CCDC85A: variants seen among roughly 807,000 people sequenced by gnomAD.
CCDC85A encodes coiled-coil domain containing 85A.
CCDC85A carries 38 observed loss-of-function variants against 50.2 expected under a neutral mutation model. The ratio of observed to expected loss-of-function variants is 0.76; its 90% CI spans 0.58 to 0.99. The LOEUF (loss-of-function observed/expected upper bound fraction) is 0.99. Ranked by LOEUF, CCDC85A falls within the 50% of genes least tolerant of loss-of-function variation. CCDC85A has a pLI of 0.00. For missense variants in CCDC85A, 820 were observed against 742.0 expected, an observed-to-expected ratio of 1.11 and a Z score of -1.22; for synonymous variants, 366 against 301.4, an observed-to-expected ratio of 1.21 and a Z score of -2.22.
intron 2 of CCDC85A, among the ~76,000 whole-genome samples, chr2:56,254,733 A>G (rs1014690865): frequency 6.6e-6 from 1 of 152,190 alleles, no homozygotes; most frequent in Non-Finnish European, 1.5e-5. Context: ...ATGACAGCAT[A>G]TAAGTAGGGG....
chr2:56,295,528 A>T lies in CCDC85A; in HGVS notation c.1241-47351A>T, dbSNP rs552816193. ...AGAAGGTTGATCTCTTTGTGAAAGG[A>T]TGCCACTGGAGTTCACCACCAGGGC... On this transcript the variant is annotated intron_variant, in intron 2 of 5. Coordinates refer to ENST00000407595, the MANE Select transcript of CCDC85A (RefSeq NM_001080433.2). Among the ~76,000 whole-genome samples, 73 of 152,292 alleles carry T rather than the reference A, an allele frequency of 4.8e-4. 1 individual carries two copies. The highest frequency in any genetic ancestry group is 7.8e-4 in the Admixed American group (12 of 15,298).
At chr2:56,271,374 C>A (rs1182199939) in intron 2 of CCDC85A, among the ~76,000 whole-genome samples, 1 of 152,082 alleles carries the variant, frequency 6.6e-6, no homozygotes, top group Non-Finnish European at 1.5e-5. Flanking sequence ...ACAACTATCA[C>A]TGGCTAGATT....
intron 2 of CCDC85A, among the ~76,000 whole-genome samples, chr2:56,342,196 CT>C (rs1553414229): frequency 6.2e-4 from 91 of 147,836 alleles, no homozygotes; most frequent in East Asian, 7.9e-4. Context: ...TTCTCTAATA[CT>C]TTTTTTTTTT....
At chr2:56,218,278 T>G (rs1050143774) in intron 2 of CCDC85A, among the ~76,000 whole-genome samples, 1 of 151,882 alleles carries the variant, frequency 6.6e-6, no homozygotes, top group Non-Finnish European at 1.5e-5. Context: ...AAAGCAGAAC[T>G]ATATATGTAA....
chr2:56,355,371 A>T (rs1420173776), intron 3 of CCDC85A, among the ~76,000 whole-genome samples: 1 of 152,176 alleles, frequency 6.6e-6, no homozygotes, highest in Non-Finnish European at 1.5e-5. Context: ...TCCCTTTGAA[A>T]GCACTGTATT....
intron 2 of CCDC85A, among the ~76,000 whole-genome samples, chr2:56,204,352 C>T (rs1423746821): frequency 6.6e-6 from 1 of 152,146 alleles, no homozygotes; most frequent in Non-Finnish European, 1.5e-5. Context: ...TTCAACAATG[C>T]AACAAAGTTC....
At chr2:56,226,401 G>A (rs960793795) in intron 2 of CCDC85A, among the ~76,000 whole-genome samples, 1 of 152,132 alleles carries the variant, frequency 6.6e-6, no homozygotes, top group Non-Finnish European at 1.5e-5. Context: ...ATGGATGAGA[G>A]GGTGGATACC....
At chr2:56,377,445 C>G (rs1676386933) in intron 5 of CCDC85A, among the ~76,000 whole-genome samples, 1 of 152,156 alleles carries the variant, frequency 6.6e-6, no homozygotes. Context: ...CCTATTCAAA[C>G]TGTTTGAAAG....
intron 5 of CCDC85A, chr2:56,379,770 T>G (rs1465623303): frequency 2.0e-6 from 2 of 984,418 alleles, no homozygotes; most frequent in Non-Finnish European, 2.4e-6. Flanking sequence ...TTCAGGAAAC[T>G]ATAGATCGTC....
At chr2:56,208,914 T>C (rs1458287021) in intron 2 of CCDC85A, among the ~76,000 whole-genome samples, 2 of 152,034 alleles carry the variant, frequency 1.3e-5, no homozygotes, top group African/African-American at 4.8e-5. Flanking sequence ...CCTCAAAAAC[T>C]CTTCATTTAT....
At chr2:56,213,225 T>C (rs1243270325) in intron 2 of CCDC85A, among the ~76,000 whole-genome samples, 2 of 152,190 alleles carry the variant, frequency 1.3e-5, no homozygotes, top group Non-Finnish European at 2.9e-5. Context: ...CCTTGGTCAC[T>C]ATTATTTATA....
chr2:56,222,799 T>G (rs1668382545), intron 2 of CCDC85A, among the ~76,000 whole-genome samples: 1 of 152,156 alleles, frequency 6.6e-6, no homozygotes, highest in Non-Finnish European at 1.5e-5. Flanking sequence ...ACTTTCTTTT[T>G]CAAAATAATG....
intron 2 of CCDC85A, among the ~76,000 whole-genome samples, chr2:56,283,892 A>G (rs544384649): frequency 6.6e-6 from 1 of 152,156 alleles, no homozygotes; most frequent in South Asian, 2.1e-4. Context: ...TGTATTACCT[A>G]TATCATTTTC....
chr2:56,303,586 G>GT (rs1672303524), intron 2 of CCDC85A, among the ~76,000 whole-genome samples: 1 of 152,134 alleles, frequency 6.6e-6, no homozygotes, highest in Non-Finnish European at 1.5e-5. Context: ...AGTAATTGCT[G>GT]TGAGTGGAAG....
intron 2 of CCDC85A, among the ~76,000 whole-genome samples, chr2:56,329,372 G>C (rs1673643209): frequency 6.6e-6 from 1 of 152,164 alleles, no homozygotes; most frequent in Admixed American, 6.5e-5. Flanking sequence ...TGTTCCTGGA[G>C]AGGAGGAGTC....
chr2:56,196,923 G>A (rs1676548633), intron 2 of CCDC85A, among the ~76,000 whole-genome samples: 1 of 151,194 alleles, frequency 6.6e-6, no homozygotes, highest in African/African-American at 2.4e-5. Flanking sequence ...AATTATCCTG[G>A]TGGGTCTGAT....
At chr2:56,332,716 C>G (rs1673875848) in intron 2 of CCDC85A, among the ~76,000 whole-genome samples, 1 of 140,858 alleles carries the variant, frequency 7.1e-6, no homozygotes, top group South Asian at 2.5e-4. Context: ...TCTCCCTGCT[C>G]TACCTTTTTG....
chr2:56,279,596 T>C (rs889225139), intron 2 of CCDC85A, among the ~76,000 whole-genome samples: 1 of 152,306 alleles, frequency 6.6e-6, no homozygotes, highest in East Asian at 1.9e-4. Context: ...ACCCAAGCTT[T>C]TGGTAACCAT....
At chr2:56,222,484 A>G (rs553886264) in intron 2 of CCDC85A, among the ~76,000 whole-genome samples, 8 of 152,162 alleles carry the variant, frequency 5.3e-5, no homozygotes, top group Non-Finnish European at 8.8e-5. Flanking sequence ...GCAAAGAGGA[A>G]TATTCCCTGT....
Sources: allele counts gnomAD v4.1 joint callset (sites outside exome capture counted in the v4.1 genomes callset), GRCh38; gene constraint gnomAD v4.1.1; transcripts MANE v1.5; gene names NCBI Gene and HGNC (gene_info 2026-07-23, HGNC 2026-07-21).